Variants in TIAM2 observed in about 807,000 individuals in gnomAD.
The protein encoded by TIAM2 is rho guanine nucleotide exchange factor TIAM2.
In TIAM2, 80 loss-of-function variants were observed where a neutral mutation model predicts 152.9. The ratio of observed to expected loss-of-function variants is 0.52; its 90% CI spans 0.44 to 0.63. TIAM2 has a LOEUF of 0.63. Among genes scored for constraint, TIAM2 ranks in the 30% least tolerant of loss-of-function variants. The probability of loss-of-function intolerance (pLI) is 0.00; values close to 1 mark genes in which losing one functional copy is unlikely to be tolerated. For synonymous variants in TIAM2, 804 were observed against 838.0 expected, an observed-to-expected ratio of 0.96 and a Z score of 0.70; for missense variants, 1,965 against 2,120.1, an observed-to-expected ratio of 0.93 and a Z score of 1.44.
At chr6:155,034,634 G>T (rs1776889668) in intron 1 of TIAM2, among the ~76,000 whole-genome samples, 1 of 152,056 alleles carries the variant, frequency 6.6e-6, no homozygotes, top group Non-Finnish European at 1.5e-5. Flanking sequence ...CTTCAGAAGT[G>T]AATGAAGTCT....
intron 1 of TIAM2, among the ~76,000 whole-genome samples, chr6:155,006,416 C>G (rs949130526): frequency 2.0e-5 from 3 of 151,520 alleles, no homozygotes; most frequent in African/African-American, 7.3e-5. Flanking sequence ...TGCCTGTAAT[C>G]CTAGCACTTT....
chr6:155,210,213 T>G (rs1399229586), intron 14 of TIAM2, among the ~76,000 whole-genome samples: 1 of 152,118 alleles, frequency 6.6e-6, no homozygotes, highest in Admixed American at 6.5e-5. Flanking sequence ...TTCATATTAT[T>G]TAAATTTTTT....
At chr6:155,047,693 GA>G (rs1280300256) in intron 1 of TIAM2, among the ~76,000 whole-genome samples, 2,288 of 11,130 alleles carry the variant, frequency 0.21, 180 homozygotes, top group Admixed American at 0.43. Flanking sequence ...AGAGAGGAGA[GA>G]GAGAGAGAGA....
chr6:155,025,654 A>C (rs1776586321), intron 1 of TIAM2, among the ~76,000 whole-genome samples: 1 of 152,086 alleles, frequency 6.6e-6, no homozygotes, highest in Non-Finnish European at 1.5e-5. Flanking sequence ...GTCTGCTTAT[A>C]TACATTGTAA....
intron 7 of TIAM2, among the ~76,000 whole-genome samples, chr6:155,152,884 T>A (rs1780009488): frequency 6.6e-6 from 1 of 152,156 alleles, no homozygotes; most frequent in South Asian, 2.1e-4. Context: ...AATTTAAATT[T>A]GCATTAAATG....
intron 1 of TIAM2, among the ~76,000 whole-genome samples, chr6:154,998,279 T>C (rs751469459): frequency 6.6e-6 from 1 of 152,196 alleles, no homozygotes; most frequent in Non-Finnish European, 1.5e-5. Context: ...CGCATAAACA[T>C]GTGCTAATAA....
chr6:155,256,825 C>G lies in TIAM2; in HGVS notation c.4810C>G (p.His1604Asp), dbSNP rs1283856992. The change falls in exon 27 of 27, where the codon CAC becomes GAC. Residue 1604 changes from histidine to aspartate, a missense_variant. His to Asp is a moderately conservative substitution (Grantham distance 81, BLOSUM62 -1). Transcript: ENST00000682666. ...GAGGATTTCCGAGGACCCAGACGTT[C>G]ACCCCGAGGCTGAGCAGCAGCCTGG... ...RLRISEDPDV[H>D]PEAEQQPGPE... The G allele has an allele frequency of 6.2e-7, 1 of 1,614,016 alleles. No homozygotes were observed. The highest frequency in any genetic ancestry group is 1.3e-5 in the African/African-American group (1 of 74,900).
At chr6:155,087,207 A>G (rs1285938073) in intron 1 of TIAM2, among the ~76,000 whole-genome samples, 5 of 152,182 alleles carry the variant, frequency 3.3e-5, no homozygotes, top group Non-Finnish European at 7.3e-5. Flanking sequence ...AAAAACATGA[A>G]ATCACATGGT....
intron 2 of TIAM2, chr6:155,122,052 T>C (rs1014693005): frequency 6.6e-6 from 1 of 152,268 alleles, no homozygotes; most frequent in African/African-American, 2.4e-5. Flanking sequence ...ATCTGACTCA[T>C]CCAATCAAGC....
At chr6:155,131,822 A>G (rs1436393788) in intron 4 of TIAM2, among the ~76,000 whole-genome samples, 1 of 152,034 alleles carries the variant, frequency 6.6e-6, no homozygotes, top group Non-Finnish European at 1.5e-5. Context: ...CAGGTGATCC[A>G]CCTGCCTCGG....
intron 1 of TIAM2, among the ~76,000 whole-genome samples, chr6:155,083,367 AAG>A (rs796368340): frequency 3.4e-4 from 41 of 119,258 alleles, no homozygotes; most frequent in African/African-American, 8.3e-4. Context: ...AAAAAAAAAA[AAG>A]AGAGAGAGAG....
chr6:155,138,525 T>G (rs1779611307), intron 5 of TIAM2, among the ~76,000 whole-genome samples: 4 of 152,158 alleles, frequency 2.6e-5, no homozygotes, highest in Admixed American at 2.6e-4. Context: ...CATGTTGGTT[T>G]GCTGCACCCA....
intron 14 of TIAM2, among the ~76,000 whole-genome samples, chr6:155,194,341 G>A (rs1345111417): frequency 6.6e-6 from 1 of 152,180 alleles, no homozygotes; most frequent in African/African-American, 2.4e-5. Context: ...CAGCCTGGAT[G>A]TAAAGATCCA....
intron 4 of TIAM2, among the ~76,000 whole-genome samples, chr6:155,135,793 A>T (rs767470288): frequency 6.6e-6 from 1 of 152,140 alleles, no homozygotes; most frequent in Non-Finnish European, 1.5e-5. Context: ...CATGTCTTTG[A>T]TATCTCCAGT....
chr6:155,146,963 C>T (rs1391323899), intron 6 of TIAM2, among the ~76,000 whole-genome samples: 1 of 152,034 alleles, frequency 6.6e-6, no homozygotes, highest in Non-Finnish European at 1.5e-5. Flanking sequence ...CTGTGTTCCC[C>T]AGGCTGGTCT....
At chr6:155,189,654 A>T (rs1003605589) in intron 14 of TIAM2, among the ~76,000 whole-genome samples, 14 of 152,216 alleles carry the variant, frequency 9.2e-5, no homozygotes, top group Admixed American at 4.6e-4. Flanking sequence ...CATAAAGGTG[A>T]ATTACACATT....
intron 15 of TIAM2, among the ~76,000 whole-genome samples, chr6:155,228,630 C>G (rs935998039): frequency 6.6e-6 from 1 of 152,142 alleles, no homozygotes; most frequent in Non-Finnish European, 1.5e-5. Flanking sequence ...CATTGAAACT[C>G]CCAGAATTTT....
At chr6:155,253,200 T>C in intron 24 of TIAM2, 147 bp downstream of exon 24, 1 of 671,258 alleles carries the variant, frequency 1.5e-6, no homozygotes, top group East Asian at 2.7e-5. Context: ...GTTGTTTTGA[T>C]GTTCCTTAGC....
chr6:155,066,201 A>T, intron 1 of TIAM2, among the ~76,000 whole-genome samples: 1 of 39,876 alleles, frequency 2.5e-5, no homozygotes, highest in Non-Finnish European at 6.4e-5. Flanking sequence ...GGCTGGGATT[A>T]CAGGCATGAG....
Sources: gnomAD v4.1 joint callset for allele counts (sites outside exome capture counted in the v4.1 genomes callset) on GRCh38, gnomAD v4.1.1 for gene constraint, MANE v1.5 for transcripts, NCBI Gene and HGNC (gene_info 2026-07-23, HGNC 2026-07-21) for gene names.